The following ROBO1 variants were observed in gnomAD, a reference collection of about 807,000 sequenced individuals.
The protein encoded by ROBO1 is roundabout homolog 1.
ROBO1 carries 149 observed loss-of-function variants against 195.9 expected under a neutral mutation model. The ratio of observed to expected loss-of-function variants is 0.76; its 90% CI spans 0.67 to 0.87. The LOEUF (loss-of-function observed/expected upper bound fraction) is 0.87. Among genes scored for constraint, ROBO1 ranks in the 40% least tolerant of loss-of-function variants. The pLI, the probability that ROBO1 is intolerant of heterozygous loss-of-function variation, is 0.00. For synonymous variants in ROBO1, 816 were observed against 733.2 expected, an observed-to-expected ratio of 1.11 and a Z score of -1.82; for missense variants, 1,933 against 2,068.3, an observed-to-expected ratio of 0.93 and a Z score of 1.27.
At chr3:78,926,465 G>C (rs1246594490) in intron 4 of ROBO1, among the ~76,000 whole-genome samples, 1 of 152,144 alleles carries the variant, frequency 6.6e-6, no homozygotes, top group Non-Finnish European at 1.5e-5. Flanking sequence ...CAACTGCTGT[G>C]GAAAGAAAGT....
At chr3:78,778,510 C>A (rs534096813) in intron 4 of ROBO1, among the ~76,000 whole-genome samples, 36 of 152,228 alleles carry the variant, frequency 2.4e-4, no homozygotes, top group Middle Eastern at 3.4e-3. Context: ...TGAGTGATCT[C>A]TCATTCACAA....
At chr3:78,857,890 T>C (rs748816468) in intron 4 of ROBO1, among the ~76,000 whole-genome samples, 24 of 152,198 alleles carry the variant, frequency 1.6e-4, no homozygotes, top group Non-Finnish European at 2.8e-4. Context: ...TCTAGAAGGA[T>C]TACTTTCAGT....
In ROBO1 at chr3:79,439,125, A is replaced by G. The variant is rs2038976134; in HGVS notation, c.88+150699T>C. On this transcript the variant is annotated intron_variant, in intron 2 of 30. Transcript: ENST00000464233. ...TCAGGGTTGATGTGTTCATAACATA[A>G]TATTTCATCAATACTAATTACTTCT... is the stretch of plus-strand genomic sequence containing the variant. Among the ~76,000 whole-genome samples, 2 of 152,106 alleles carry G rather than the reference A, an allele frequency of 1.3e-5. 1 individual carries two copies. Among genetic ancestry groups the G allele is most frequent in the Middle Eastern group, 6.3e-3 (2 of 316 alleles).
intron 3 of ROBO1, among the ~76,000 whole-genome samples, chr3:79,117,453 T>C (rs1232094061): frequency 6.6e-6 from 1 of 152,054 alleles, no homozygotes; most frequent in African/African-American, 2.4e-5. Flanking sequence ...CTTGTTGCAG[T>C]CACAGAATCC....
At chr3:79,247,128 T>C (rs1211431044) in intron 2 of ROBO1, among the ~76,000 whole-genome samples, 3 of 142,148 alleles carry the variant, frequency 2.1e-5, no homozygotes, top group Admixed American at 1.4e-4. Flanking sequence ...TCCTGTTTAC[T>C]GTTTTTTTTT....
intron 2 of ROBO1, among the ~76,000 whole-genome samples, chr3:79,475,052 C>T (rs913892443): frequency 3.3e-5 from 5 of 151,780 alleles, no homozygotes; most frequent in African/African-American, 1.2e-4. Flanking sequence ...TTTAATATAT[C>T]CTACTGTATA....
intron 2 of ROBO1, among the ~76,000 whole-genome samples, chr3:79,466,954 T>C (rs897255546): frequency 2.6e-5 from 4 of 151,972 alleles, no homozygotes; most frequent in Non-Finnish European, 5.9e-5. Flanking sequence ...CTAGTAAAGG[T>C]TAAGGGATGA....
At chr3:78,926,722 G>A (rs993532215) in intron 4 of ROBO1, among the ~76,000 whole-genome samples, 5 of 152,144 alleles carry the variant, frequency 3.3e-5, no homozygotes, top group African/African-American at 4.8e-5. Flanking sequence ...GGAGGTGGGT[G>A]TGGTCTTCAG....
At chr3:78,889,774 C>T (rs545569159) in intron 4 of ROBO1, among the ~76,000 whole-genome samples, 6 of 148,324 alleles carry the variant, frequency 4.0e-5, no homozygotes, top group Non-Finnish European at 5.9e-5. Flanking sequence ...TTTAGAAGTA[C>T]GTGAAACTTA....
intron 2 of ROBO1, among the ~76,000 whole-genome samples, chr3:79,244,168 T>G (rs928558239): frequency 1.3e-5 from 2 of 152,134 alleles, no homozygotes; most frequent in African/African-American, 4.8e-5. Context: ...CTATCATATA[T>G]TCTTCCTCCT....
intron 4 of ROBO1, among the ~76,000 whole-genome samples, chr3:78,863,501 C>T (rs750385770): frequency 6.6e-6 from 1 of 151,994 alleles, no homozygotes; most frequent in Non-Finnish European, 1.5e-5. Flanking sequence ...GAGGTTCTGC[C>T]GAGGGACTGT....
chr3:78,738,913 TACAA>T (rs767862294), intron 5 of ROBO1, among the ~76,000 whole-genome samples: 16 of 152,150 alleles, frequency 1.1e-4, no homozygotes, highest in Non-Finnish European at 2.1e-4. Flanking sequence ...ATAAATATCT[TACAA>T]ACAAATTCTT....
intron 3 of ROBO1, among the ~76,000 whole-genome samples, chr3:78,976,288 C>T (rs1305655669): frequency 1.3e-5 from 2 of 152,182 alleles, no homozygotes; most frequent in African/African-American, 4.8e-5. Flanking sequence ...AAAGTTCAGA[C>T]AGGAGCAGTT....
chr3:78,687,528 C>T (rs531192805), intron 9 of ROBO1, among the ~76,000 whole-genome samples: 10 of 152,224 alleles, frequency 6.6e-5, no homozygotes, highest in African/African-American at 1.7e-4. Flanking sequence ...CAAACACCCA[C>T]GACTGATTTA....
rs868839704 is a variant in ROBO1 at position 79,637,515 on chromosome 3, A to G, written c.-50-47554T>C. On this transcript the variant is annotated intron_variant, in intron 1 of 30. Transcript: ENST00000464233. ...ACTCTTCCAATTTTTAATATGCAATATTATAAAAAGTTTGAAAATATAATA... is the reference window on the plus strand; with the variant it reads ...ACTCTTCCAATTTTTAATATGCAATGTTATAAAAAGTTTGAAAATATAATA... Among the ~76,000 whole-genome samples the G allele has an allele frequency of 4.6e-5, 7 of 152,116 alleles. 1 individual carries two copies. In the South Asian group the frequency reaches 1.4e-3, roughly 31 times the overall value.
At chr3:79,188,563 C>A (rs940031108) in intron 2 of ROBO1, among the ~76,000 whole-genome samples, 14 of 151,776 alleles carry the variant, frequency 9.2e-5, no homozygotes, top group Admixed American at 2.0e-4. Flanking sequence ...CACACACACA[C>A]ATATACGTCG....
At chr3:78,705,643 C>G (rs892923544) in intron 8 of ROBO1, among the ~76,000 whole-genome samples, 3 of 152,144 alleles carry the variant, frequency 2.0e-5, no homozygotes, top group Admixed American at 6.5e-5. Context: ...CTGGGAGTGT[C>G]TGTGACGGTG....
At chr3:78,675,455 C>T (rs1416686173) in intron 10 of ROBO1, among the ~76,000 whole-genome samples, 1 of 152,172 alleles carries the variant, frequency 6.6e-6, no homozygotes, top group Admixed American at 6.5e-5. Context: ...AATCGGGTCA[C>T]TCCCACCCTA....
At chr3:78,894,632 C>T (rs2037122695) in intron 4 of ROBO1, among the ~76,000 whole-genome samples, 1 of 152,024 alleles carries the variant, frequency 6.6e-6, no homozygotes, top group South Asian at 2.1e-4. Flanking sequence ...TACTGAAAAA[C>T]CAATTAGGTT....
Sources: allele counts gnomAD v4.1 joint callset (sites outside exome capture counted in the v4.1 genomes callset), GRCh38; gene constraint gnomAD v4.1.1; transcripts MANE v1.5; gene names NCBI Gene and HGNC (gene_info 2026-07-23, HGNC 2026-07-21).